CACNA1D: variants seen among roughly 807,000 people sequenced by gnomAD.
The protein encoded by CACNA1D is calcium voltage-gated channel subunit alpha1 D.
In CACNA1D, 55 loss-of-function variants were observed where a neutral mutation model predicts 257.1. That is an observed-to-expected ratio of 0.21 (90% confidence interval 0.17 to 0.27). The LOEUF (loss-of-function observed/expected upper bound fraction) is 0.27. CACNA1D is among the 10% of genes least tolerant of loss of function. CACNA1D has a pLI of 1.00. For synonymous variants in CACNA1D, 980 were observed against 1,014.9 expected, an observed-to-expected ratio of 0.97 and a Z score of 0.65; for missense variants, 1,876 against 2,784.0, an observed-to-expected ratio of 0.67 and a Z score of 7.34.
At chr3:53,497,693 G>C (rs1007698557) in intron 2 of CACNA1D, among the ~76,000 whole-genome samples, 2 of 152,150 alleles carry the variant, frequency 1.3e-5, no homozygotes, top group Admixed American at 6.5e-5. Flanking sequence ...GTAGTAGTAG[G>C]GGGAGGGAGT....
intron 40 of CACNA1D, among the ~76,000 whole-genome samples, chr3:53,795,485 A>G (rs541947447): frequency 2.0e-5 from 3 of 152,352 alleles, no homozygotes; most frequent in East Asian, 3.9e-4. Flanking sequence ...TTAGGGGCCA[A>G]GAGTCCTCAC....
chr3:53,511,695 A>G (rs557677983), intron 3 of CACNA1D, among the ~76,000 whole-genome samples: 1 of 152,328 alleles, frequency 6.6e-6, no homozygotes, highest in African/African-American at 2.4e-5. Context: ...GAAAGCTGGG[A>G]AGATGAAAAA....
chr3:53,740,250 T>A (rs1322611968), intron 20 of CACNA1D, 30 bp from the exon 21 acceptor site: 1 of 1,547,102 alleles, frequency 6.5e-7, no homozygotes, highest in Admixed American at 1.7e-5. Flanking sequence ...CTGAATTCCT[T>A]TTCTCACTCC....
chr3:53,777,791 C>G (rs935777726), intron 37 of CACNA1D, among the ~76,000 whole-genome samples: 3 of 152,240 alleles, frequency 2.0e-5, no homozygotes, highest in African/African-American at 7.2e-5. Context: ...AGCACGCTCT[C>G]AGGAACCCTC....
chr3:53,710,302 T>A, intron 9 of CACNA1D: 1 of 432,264 alleles, frequency 2.3e-6, no homozygotes, highest in Non-Finnish European at 4.7e-6. Context: ...TGAGGCAACC[T>A]GGCTGGCAGG....
In CACNA1D at chr3:53,582,375, T is replaced by C. The variant is rs890457437; in HGVS notation, c.484-68404T>C. Among the ~76,000 whole-genome samples the C allele has an allele frequency of 5.3e-5, 8 of 152,278 alleles. 1 individual carries two copies. The highest frequency in any genetic ancestry group is 5.2e-4 in the Admixed American group (8 of 15,300). ...TATAGAGAAATTATAGCTCAGTTTA[T>C]AAAGTGGCCAGTGACCCAGGAGAGC... On this transcript the variant is annotated intron_variant, in intron 3 of 47. Coordinates refer to ENST00000350061, the MANE Select transcript of CACNA1D (RefSeq NM_001128840.3).
chr3:53,510,992 TC>T (rs1175935657), intron 3 of CACNA1D, among the ~76,000 whole-genome samples: 3 of 152,304 alleles, frequency 2.0e-5, no homozygotes, highest in South Asian at 4.1e-4. Context: ...GTAAATAAGT[TC>T]CTAATACAAA....
At chr3:53,668,377 C>T (rs937468754) in intron 7 of CACNA1D, among the ~76,000 whole-genome samples, 12 of 151,956 alleles carry the variant, frequency 7.9e-5, no homozygotes, top group African/African-American at 1.7e-4. Flanking sequence ...CAAAAGTTTC[C>T]GCTTACTTTC....
chr3:53,498,744 C>G (rs567914860), intron 2 of CACNA1D, among the ~76,000 whole-genome samples: 21 of 152,308 alleles, frequency 1.4e-4, no homozygotes, highest in African/African-American at 5.1e-4. Context: ...ATTTTCTGTG[C>G]TAATGGACAG....
chr3:53,626,274 C>T (rs992983190), intron 3 of CACNA1D, among the ~76,000 whole-genome samples: 1 of 152,162 alleles, frequency 6.6e-6, no homozygotes, highest in Non-Finnish European at 1.5e-5. Context: ...AAAGCCTGCT[C>T]TAAAGTCATT....
intron 3 of CACNA1D, among the ~76,000 whole-genome samples, chr3:53,518,846 C>A (rs1168020629): frequency 2.0e-5 from 3 of 152,264 alleles, no homozygotes; most frequent in Non-Finnish European, 4.4e-5. Flanking sequence ...AATTACGTGT[C>A]CAGCTTCCCA....
chr3:53,705,516 T>G (rs1229052703), intron 9 of CACNA1D, among the ~76,000 whole-genome samples: 1 of 152,222 alleles, frequency 6.6e-6, no homozygotes, highest in Non-Finnish European at 1.5e-5. Flanking sequence ...CTCAAAATGA[T>G]TAACTAGCTT....
chr3:53,798,310 T>TGC (rs2095517623), intron 40 of CACNA1D, among the ~76,000 whole-genome samples: 1 of 129,606 alleles, frequency 7.7e-6, no homozygotes, highest in Middle Eastern at 4.0e-3. Context: ...TATGTGTGCG[T>TGC]GTGTGTGTGT....
intron 3 of CACNA1D, among the ~76,000 whole-genome samples, chr3:53,509,086 G>T (rs959592073): frequency 2.6e-5 from 4 of 152,214 alleles, no homozygotes; most frequent in Non-Finnish European, 5.9e-5. Flanking sequence ...AAGGAGAGTG[G>T]TGGAGGCGGG....
intron 3 of CACNA1D, among the ~76,000 whole-genome samples, chr3:53,521,995 G>A (rs2091596995): frequency 6.6e-6 from 1 of 151,512 alleles, no homozygotes; most frequent in South Asian, 2.1e-4. Flanking sequence ...AGCCAGGCAT[G>A]GTGGTGTGTG....
Position 53,734,253 on chromosome 3 carries a change from C to A in CACNA1D, c.2622-1121C>A, listed in dbSNP as rs542348684. Reference sequence around the variant, plus strand: ...ACTCCAGTTTGAAAGTGGAAAAAATCTTTTCCAAGGAAAAGCTATCTATCT... The same window carrying A: ...ACTCCAGTTTGAAAGTGGAAAAAATATTTTCCAAGGAAAAGCTATCTATCT... On this transcript the variant is annotated intron_variant, in intron 19 of 47. Transcript: ENST00000350061. 5.3e-5 allele frequency among the ~76,000 whole-genome samples: 8 copies of A among 150,994 alleles called. No individual in the cohort carries two copies. The South Asian group carries it at 1.0e-3, about 20-fold the overall frequency.
intron 6 of CACNA1D, 45 bp downstream of exon 6, chr3:53,665,857 G>A: frequency 6.5e-7 from 1 of 1,533,228 alleles, no homozygotes; most frequent in South Asian, 1.2e-5. Context: ...AAATTTTTTT[G>A]TTTTCCCCAA....
intron 3 of CACNA1D, among the ~76,000 whole-genome samples, chr3:53,565,363 C>T (rs1326005706): frequency 6.6e-6 from 1 of 152,118 alleles, no homozygotes; most frequent in Admixed American, 6.5e-5. Context: ...CACATGCATA[C>T]ACACATTGGG....
Position 53,526,161 on chromosome 3 carries a change from T to C in CACNA1D, c.483+24441T>C, listed in dbSNP as rs75157585. 4.3e-3 allele frequency among the ~76,000 whole-genome samples: 653 copies of C among 152,284 alleles called. 9 individuals are homozygous for C. The highest frequency in any genetic ancestry group is 0.013 in the African/African-American group (553 of 41,542). On this transcript the variant is annotated intron_variant, in intron 3 of 47. Transcript: ENST00000350061. ...GGGTCACGCGCACATCCGGAACCAG[T>C]TGCAAGGCCAGGGACGTGTGCAGCA... is the stretch of plus-strand genomic sequence containing the variant.
Sources: allele counts gnomAD v4.1 joint callset (sites outside exome capture counted in the v4.1 genomes callset), GRCh38; gene constraint gnomAD v4.1.1; transcripts MANE v1.5; gene names NCBI Gene and HGNC (gene_info 2026-07-23, HGNC 2026-07-21).